The following CHID1 variants were observed in gnomAD, a reference collection of about 807,000 sequenced individuals.
The protein encoded by CHID1 is chitinase domain containing 1, also known as chitinase domain-containing protein 1.
A neutral mutation model predicts 55.4 loss-of-function variants in CHID1; 44 were observed. The ratio of observed to expected loss-of-function variants is 0.79; its 90% confidence interval spans 0.62 to 1.02. The LOEUF is 1.02. Ranked by LOEUF, CHID1 falls within the 50% of genes least tolerant of loss-of-function variation. The pLI is 0.00. For missense variants in CHID1, 491 were observed against 515.3 expected (o/e 0.95, Z 0.46); for synonymous variants, 216 against 212.9 (o/e 1.01, Z -0.13).
At position 877,662 on chromosome 11, in the gene CHID1, G is replaced by A. The variant is rs201117333; in HGVS notation, c.959+5486C>T. The stretch of plus-strand genomic sequence containing the variant: ...TCCCCTAAAATCCACAGGGTGAAGT[G>A]TGTGATGTCTTGAATGTTCTCTGCA... On this transcript the variant is annotated intron_variant, in intron 10 of 12. Coordinates refer to ENST00000323578, the MANE Select transcript of CHID1 (RefSeq NM_023947.4). Among the ~76,000 whole-genome samples the A allele has an allele frequency of 4.6e-5, 7 of 152,358 alleles. No individual in the cohort carries two copies. The East Asian group carries it at 1.4e-3, about 29-fold the overall frequency.
At chr11:905,774 A>C (rs1245281074) in intron 1 of CHID1, among the ~76,000 whole-genome samples, 1 of 152,180 alleles carries the variant, frequency 6.6e-6, no homozygotes, top group African/African-American at 2.4e-5. Context: ...CTACCTATTT[A>C]TGCAGTCTCA....
At chr11:870,866 T>C (rs1004783975) in intron 10 of CHID1, 1 of 210,812 alleles carries the variant, frequency 4.7e-6, no homozygotes, top group Non-Finnish European at 9.6e-6. Context: ...GGTGAGAGGC[T>C]AACCAGACAG....
intron 10 of CHID1, among the ~76,000 whole-genome samples, chr11:879,994 G>A (rs1416752042): frequency 6.6e-6 from 1 of 152,220 alleles, no homozygotes; most frequent in Non-Finnish European, 1.5e-5. Flanking sequence ...GGGGGAGGGT[G>A]CAGCACACAC....
chr11:908,544 GGC>G (rs1284860686), intron 1 of CHID1: 1 of 984,666 alleles, frequency 1.0e-6, no homozygotes, highest in Non-Finnish European at 1.2e-6. Context: ...TCACTTGCCT[GGC>G]CAGGCTGAAA....
intron 1 of CHID1, among the ~76,000 whole-genome samples, chr11:907,207 C>T (rs1006366437): frequency 1.3e-5 from 2 of 152,122 alleles, no homozygotes; most frequent in East Asian, 1.9e-4. Context: ...TCCGGCCGGG[C>T]GCGGTGGCTC....
chr11:884,081 A>C lies in CHID1; in HGVS notation c.790T>G (p.Ser264Ala), dbSNP rs1190584151. The C allele has an allele frequency of 6.2e-7, 1 of 1,613,708 alleles. No homozygotes were observed. The highest frequency in any genetic ancestry group is 8.5e-7 in the Non-Finnish European group (1 of 1,179,756). Residue 264 changes from serine to alanine, a missense_variant, in exon 9 of 13, where the codon TCT becomes GCT. Ser to Ala is a moderately conservative substitution (Grantham distance 99). Coordinates refer to ENST00000323578, the MANE Select transcript of CHID1 (RefSeq NM_023947.4). The stretch of plus-strand genomic sequence containing the variant: ...GCCCACACTCACTGATGCGCTGTAG[A>C]GTAGTCGTAGGTCATGAGGCTGAAA... ...DGFSLMTYDY[S>A]TAHQPGPNAP...
In CHID1 at chr11:883,115, CCTT is replaced by C. The variant is rs1270252421; in HGVS notation, c.959+30_959+32del. 3 of 1,594,928 alleles carry C rather than the reference CCTT, an allele frequency of 1.9e-6. No individual in the cohort carries two copies. In the East Asian group the frequency reaches 6.7e-5, roughly 36 times the overall value. On this transcript the variant is annotated intron_variant, in intron 10 of 12. Coordinates refer to ENST00000323578, the MANE Select transcript of CHID1 (RefSeq NM_023947.4). ...CCACACCCACCCGCGCCCAGTGACACCTTCAGCACGGCAGGGAGAGCCCTTGGC... is the reference window on the plus strand; with the variant it reads ...CCACACCCACCCGCGCCCAGTGACACCAGCACGGCAGGGAGAGCCCTTGGC...
At chr11:896,692 G>C (rs1160156092) in intron 7 of CHID1, among the ~76,000 whole-genome samples, 1 of 116,632 alleles carries the variant, frequency 8.6e-6, no homozygotes, top group Admixed American at 8.8e-5. Context: ...CCAGACATGA[G>C]GCTGTCTCAG....
Position 901,023 on chromosome 11 carries a change from C to G in CHID1, c.395-43G>C, listed in dbSNP as rs144189930. On this transcript the variant is annotated intron_variant, in intron 4 of 12. Coordinates refer to ENST00000323578, the MANE Select transcript of CHID1 (RefSeq NM_023947.4). ...GACAGTCAACACAGGCACGTGCGCC[C>G]AACTGGAAGACCCAGCCTACCTGAG... is the stretch of plus-strand genomic sequence containing the variant. The G allele has an allele frequency of 5.2e-4, 815 of 1,554,578 alleles. 16 individuals are homozygous for G. In the East Asian group the frequency reaches 0.018, roughly 34 times the overall value.
intron 2 of CHID1, 81 bp downstream of exon 2, chr11:904,625 G>A: frequency 5.2e-6 from 8 of 1,542,412 alleles, no homozygotes; most frequent in South Asian, 1.1e-5. Flanking sequence ...CTGGCTCACA[G>A]GCCCCAGTGG....
At chr11:883,442 C>T in intron 9 of CHID1, 139 bp from the exon 10 acceptor site, 1 of 923,656 alleles carries the variant, frequency 1.1e-6, no homozygotes, top group Non-Finnish European at 1.6e-6. Flanking sequence ...ACAGAAGTCA[C>T]CCATCAGAAA....
chr11:903,107 T>C lies in CHID1; in HGVS notation c.116A>G (p.Gln39Arg). ...AASKTLLEKS[Q>R]FSDKPVQDRG... ...GTCTTGCACCGGCTTATCTGAAAAC[T>C]GACTCTGAAATAAAAGGAGTGAGAG... The change falls in exon 3 of 13, where the codon CAG (glutamine) becomes CGG (arginine). Residue 39 changes from glutamine (Q) to arginine (R), a missense_variant. Gln to Arg is a conservative substitution (Grantham distance 43, BLOSUM62 1). Coordinates refer to ENST00000323578, the MANE Select transcript of CHID1 (RefSeq NM_023947.4). 1.2e-6 allele frequency: 2 copies of C among 1,609,624 alleles called. No individual in the cohort carries two copies. The highest frequency in any genetic ancestry group is 1.7e-6 in the Non-Finnish European group (2 of 1,179,946).
intron 9 of CHID1, 36 bp downstream of exon 9, chr11:884,032 T>C (rs768446171): frequency 7.3e-6 from 11 of 1,515,632 alleles, no homozygotes; most frequent in East Asian, 6.8e-5. Context: ...ACTGTGGAGT[T>C]TGCTGTGCCC....
intron 8 of CHID1, among the ~76,000 whole-genome samples, chr11:886,590 G>A (rs1274684075): frequency 6.6e-6 from 1 of 152,206 alleles, no homozygotes; most frequent in Non-Finnish European, 1.5e-5. Flanking sequence ...CCATGATGAC[G>A]CGCCCCATGG....
chr11:887,717 C>T lies in CHID1; in HGVS notation c.702-3548G>A, dbSNP rs1037459629. Among the ~76,000 whole-genome samples, 19 of 152,302 alleles carry T rather than the reference C, an allele frequency of 1.2e-4. No individual in the cohort carries two copies. In the Middle Eastern group the frequency reaches 0.01, roughly 82 times the overall value. On this transcript the variant is annotated intron_variant, in intron 8 of 12. Transcript: ENST00000323578. ...TGATGCCCTTCCAAGCACCCCGTCC[C>T]GCTTCACACGCTGCTATCAGACATG...
intron 10 of CHID1, among the ~76,000 whole-genome samples, chr11:880,617 C>G (rs186138269): frequency 4.3e-4 from 65 of 152,302 alleles, no homozygotes; most frequent in African/African-American, 1.4e-3. Context: ...CCACTGCTGC[C>G]ACCCTCAGGA....
intron 7 of CHID1, among the ~76,000 whole-genome samples, chr11:899,111 CGGCTGCCTGCCACA>C (rs1224047019): frequency 2.0e-5 from 3 of 152,234 alleles, no homozygotes; most frequent in Non-Finnish European, 4.4e-5. Context: ...CGCTCGGAGC[CGGCTGCCTGCCACA>C]GGCTGCTTCC....
intron 10 of CHID1, among the ~76,000 whole-genome samples, chr11:873,736 A>G (rs181795957): frequency 1.5e-4 from 23 of 152,326 alleles, no homozygotes; most frequent in Non-Finnish European, 2.5e-4. Flanking sequence ...AGCTGCTAAA[A>G]GGCACAGGGC....
intron 10 of CHID1, among the ~76,000 whole-genome samples, chr11:876,416 C>G (rs1849518471): frequency 6.6e-6 from 1 of 152,158 alleles, no homozygotes; most frequent in Admixed American, 6.5e-5. Flanking sequence ...TGGGCAGAGC[C>G]AGGGTCAGGA....
Sources: gnomAD v4.1 joint callset for allele counts (sites outside exome capture counted in the v4.1 genomes callset) on GRCh38, gnomAD v4.1.1 for gene constraint, MANE v1.5 for transcripts, NCBI Gene and HGNC (gene_info 2026-07-23, HGNC 2026-07-21) for gene names.